GALNTL6: variants seen among roughly 807,000 people sequenced by gnomAD.
The protein encoded by GALNTL6 is polypeptide N-acetylgalactosaminyltransferase-like 6.
Under a neutral mutation model 73.7 loss-of-function variants are expected in GALNTL6, and 46 were observed. The ratio of observed to expected loss-of-function variants is 0.62; its 90% confidence interval spans 0.49 to 0.80. GALNTL6 has a LOEUF of 0.80. GALNTL6 is among the 30% of genes least tolerant of loss of function. The probability of loss-of-function intolerance (pLI) is 0.00; values close to 1 mark genes in which losing one functional copy is unlikely to be tolerated. For missense variants in GALNTL6, 604 were observed against 755.0 expected (o/e 0.80, Z 2.34); for synonymous variants, 259 against 263.7 (o/e 0.98, Z 0.17).
chr4:172,020,224 A>G (rs1741351568), intron 2 of GALNTL6, among the ~76,000 whole-genome samples: 2 of 152,036 alleles, frequency 1.3e-5, no homozygotes, highest in Non-Finnish European at 2.9e-5. Flanking sequence ...AGAAAGACCA[A>G]ATAAGCAACC....
At chr4:172,476,647 T>C (rs1019664594) in intron 5 of GALNTL6, among the ~76,000 whole-genome samples, 1 of 152,162 alleles carries the variant, frequency 6.6e-6, no homozygotes, top group African/African-American at 2.4e-5. Context: ...GTATCTTTCA[T>C]GGAGCGCTGA....
At chr4:171,976,527 T>C (rs1477054034) in intron 2 of GALNTL6, among the ~76,000 whole-genome samples, 1 of 152,228 alleles carries the variant, frequency 6.6e-6, no homozygotes, top group East Asian at 1.9e-4. Context: ...GTGTATCCAC[T>C]GAATACTTCT....
intron 5 of GALNTL6, among the ~76,000 whole-genome samples, chr4:172,565,339 T>G (rs1579194402): frequency 1.3e-5 from 2 of 152,238 alleles, no homozygotes; most frequent in East Asian, 3.8e-4. Flanking sequence ...AATGCTTTTC[T>G]GTATTATTGA....
intron 5 of GALNTL6, among the ~76,000 whole-genome samples, chr4:172,638,530 C>T (rs1739804588): frequency 6.6e-6 from 1 of 152,108 alleles, no homozygotes; most frequent in Non-Finnish European, 1.5e-5. Context: ...CTCAATGACA[C>T]ATTTTAGTTT....
chr4:172,127,092 AG>A (rs1733317770), intron 2 of GALNTL6, among the ~76,000 whole-genome samples: 1 of 152,226 alleles, frequency 6.6e-6, no homozygotes, highest in Non-Finnish European at 1.5e-5. Context: ...TGCTTCTGAA[AG>A]TAACCCCATT....
intron 7 of GALNTL6, among the ~76,000 whole-genome samples, chr4:172,869,056 T>C (rs1269757780): frequency 6.6e-6 from 1 of 152,180 alleles, no homozygotes; most frequent in Non-Finnish European, 1.5e-5. Context: ...ATACTAGATC[T>C]AATTCCAAAT....
intron 2 of GALNTL6, among the ~76,000 whole-genome samples, chr4:172,071,871 G>A (rs940552831): frequency 6.6e-6 from 1 of 152,222 alleles, no homozygotes; most frequent in African/African-American, 2.4e-5. Context: ...AGTAGGGTAT[G>A]CTATGTGACT....
In GALNTL6 at chr4:172,455,530, G is replaced by A. The variant is rs1022903396; in HGVS notation, c.553+106841G>A. On this transcript the variant is annotated intron_variant, in intron 5 of 12. Coordinates refer to ENST00000506823, the MANE Select transcript of GALNTL6 (RefSeq NM_001034845.3). ...ACTCGAGCTTGGGTCGGGGAAAGGC[G>A]TCCACCATTACTGAGGCTTGAGTAG... Among the ~76,000 whole-genome samples the A allele has an allele frequency of 6.6e-5, 10 of 152,252 alleles. No homozygotes were observed. In the East Asian group the frequency reaches 7.8e-4, roughly 12 times the overall value.
chr4:172,414,277 G>A (rs1461509334), intron 5 of GALNTL6, among the ~76,000 whole-genome samples: 1 of 152,064 alleles, frequency 6.6e-6, no homozygotes, highest in African/African-American at 2.4e-5. Flanking sequence ...ATAAGGTGAT[G>A]CTATCTTTGC....
At chr4:172,020,861 T>C (rs1462286783) in intron 2 of GALNTL6, among the ~76,000 whole-genome samples, 2 of 151,914 alleles carry the variant, frequency 1.3e-5, no homozygotes, top group East Asian at 3.9e-4. Flanking sequence ...AAAAGAAAAC[T>C]ATAGGCCAAC....
At chr4:172,103,293 C>T (rs1296250882) in intron 2 of GALNTL6, among the ~76,000 whole-genome samples, 3 of 152,162 alleles carry the variant, frequency 2.0e-5, no homozygotes, top group Non-Finnish European at 4.4e-5. Flanking sequence ...ACTGCTCTTA[C>T]ATGCTAAGGC....
intron 5 of GALNTL6, among the ~76,000 whole-genome samples, chr4:172,519,600 C>A (rs959981118): frequency 4.0e-5 from 6 of 150,972 alleles, no homozygotes; most frequent in African/African-American, 1.5e-4. Context: ...CTGACAAAGA[C>A]ACTTTGTATC....
At chr4:172,755,361 C>T (rs1308364660) in intron 5 of GALNTL6, among the ~76,000 whole-genome samples, 1 of 150,618 alleles carries the variant, frequency 6.6e-6, no homozygotes, top group Non-Finnish European at 1.5e-5. Flanking sequence ...CCGAATACCA[C>T]TCAATCAAAG....
intron 3 of GALNTL6, among the ~76,000 whole-genome samples, chr4:172,273,096 T>G (rs1738711336): frequency 6.6e-6 from 1 of 152,180 alleles, no homozygotes; most frequent in Non-Finnish European, 1.5e-5. Flanking sequence ...TAAACTAATG[T>G]TCCTTATCCT....
At chr4:172,730,269 G>A (rs1442236296) in intron 5 of GALNTL6, among the ~76,000 whole-genome samples, 1 of 152,104 alleles carries the variant, frequency 6.6e-6, no homozygotes, top group Admixed American at 6.6e-5. Flanking sequence ...GTATTGTGTT[G>A]AATAAAATCA....
At chr4:172,324,005 C>T (rs191975721) in intron 4 of GALNTL6, among the ~76,000 whole-genome samples, 2 of 152,004 alleles carry the variant, frequency 1.3e-5, no homozygotes, top group East Asian at 3.9e-4. Context: ...CAAAATGGCA[C>T]AAAATCATAA....
chr4:172,675,076 A>C (rs1253446719), intron 5 of GALNTL6, among the ~76,000 whole-genome samples: 2 of 152,164 alleles, frequency 1.3e-5, no homozygotes, highest in Non-Finnish European at 2.9e-5. Flanking sequence ...GCATTCTTGC[A>C]CTGATTCCTT....
At chr4:171,927,468 A>G (rs1738023288) in intron 2 of GALNTL6, among the ~76,000 whole-genome samples, 1 of 152,094 alleles carries the variant, frequency 6.6e-6, no homozygotes, top group Non-Finnish European at 1.5e-5. Flanking sequence ...TATCTGATAT[A>G]CTTTGATTAT....
At chr4:172,380,002 G>A in intron 5 of GALNTL6, 1 of 887,534 alleles carries the variant, frequency 1.1e-6, no homozygotes, top group East Asian at 2.5e-5. Context: ...CAGGAGAAGT[G>A]ATGCATACTT....
Sources: allele counts gnomAD v4.1 joint callset (sites outside exome capture counted in the v4.1 genomes callset), GRCh38; gene constraint gnomAD v4.1.1; transcripts MANE v1.5; gene names NCBI Gene and HGNC (gene_info 2026-07-23, HGNC 2026-07-21).